Variants in ANHX observed in about 807,000 individuals in gnomAD.
The protein encoded by ANHX is anomalous homeobox.
In ANHX, 20 loss-of-function variants were observed where a neutral mutation model predicts 38.9. The observed-to-expected ratio is 0.51, with a 90% CI of 0.36 to 0.75. The LOEUF is 0.75. ANHX is among the 30% of genes least tolerant of loss of function. ANHX has a pLI of 0.00. For missense variants in ANHX, 475 were observed against 493.1 expected (o/e 0.96, Z 0.35); for synonymous variants, 185 against 203.1 (o/e 0.91, Z 0.76).
intron 9 of ANHX, 116 bp downstream of exon 9, chr12:133,219,163 CTTGT>C (rs1438645103): frequency 1.9e-6 from 2 of 1,078,370 alleles, no homozygotes; most frequent in African/African-American, 1.6e-5. Context: ...ATCTTTGCCC[CTTGT>C]TTATCTTTGC....
At chr12:133,227,704 T>C (rs1957208177) in intron 4 of ANHX, 120 bp downstream of exon 4, 4 of 1,220,768 alleles carry the variant, frequency 3.3e-6, no homozygotes, top group Non-Finnish European at 3.4e-6. Context: ...GAGGAGGGGC[T>C]GAAACCACCA....
intron 7 of ANHX, among the ~76,000 whole-genome samples, chr12:133,223,869 AAAG>A (rs1481636490): frequency 6.6e-6 from 1 of 152,134 alleles, no homozygotes; most frequent in Non-Finnish European, 1.5e-5. Context: ...AATAAGAAAA[AAAG>A]AATCTAAGAG....
In ANHX at chr12:133,224,283, A is replaced by G. The variant is rs1198915965; in HGVS notation, c.1132+1253T>C. ...AAATGTGATAAAAGCAGACAATGTAAAAAGAAAAAGGAAAGGCATGGAGAA... is the reference window on the plus strand; with the variant it reads ...AAATGTGATAAAAGCAGACAATGTAGAAAGAAAAAGGAAAGGCATGGAGAA... On this transcript the variant is annotated intron_variant, in intron 7 of 9. Transcript: ENST00000545940. Among the ~76,000 whole-genome samples, 3 of 152,082 alleles carry G rather than the reference A, an allele frequency of 2.0e-5. No homozygotes were observed. In the East Asian group the frequency reaches 5.8e-4, roughly 29 times the overall value.
intron 2 of ANHX, 54 bp from the exon 3 acceptor site, chr12:133,231,698 T>C (rs1957280917): frequency 6.5e-7 from 1 of 1,529,762 alleles, no homozygotes; most frequent in South Asian, 1.2e-5. Flanking sequence ...GGAGCACTGT[T>C]GGGACCTGCA....
chr12:133,218,595 C>G lies in ANHX; in HGVS notation c.*290G>C. 1 of 255,646 alleles carries G rather than the reference C, an allele frequency of 3.9e-6. No individual in the cohort carries two copies. The highest frequency in any genetic ancestry group is 7.4e-6 in the Non-Finnish European group (1 of 134,758). 15.8% of individuals were successfully genotyped at this position (255,646 alleles called of 1,614,324 possible). On this transcript the variant is annotated 3_prime_UTR_variant, in exon 10 of 10. Coordinates refer to ENST00000545940, the MANE Select transcript of ANHX (RefSeq NM_001372060.1). ...CCTCTCTAGAATGGCCTTCTCTGCACGAGTGCCCCGGAGCCCGACTGATCC... is the reference window on the plus strand; with the variant it reads ...CCTCTCTAGAATGGCCTTCTCTGCAGGAGTGCCCCGGAGCCCGACTGATCC...
intron 3 of ANHX, among the ~76,000 whole-genome samples, chr12:133,228,769 G>C (rs780866217): frequency 8.5e-5 from 13 of 152,178 alleles, no homozygotes; most frequent in Non-Finnish European, 1.6e-4. Context: ...GCCATCACCA[G>C]CATTTCTTCT....
intron 7 of ANHX, among the ~76,000 whole-genome samples, chr12:133,222,406 C>G (rs988025672): frequency 2.0e-5 from 3 of 152,040 alleles, no homozygotes; most frequent in African/African-American, 7.2e-5. Flanking sequence ...CATCCGGGTA[C>G]CCAGGCAGCA....
At position 133,221,075 on chromosome 12, in the gene ANHX, C is replaced by T. The variant is rs1001416861; in HGVS notation, c.1280+130G>A. ...AGGTGTAGGCTTGTGGGGACTGTTA[C>T]AGTTTTCAGCAATCCAAAGGAGAGG... On this transcript the variant is annotated intron_variant, in intron 8 of 9. Coordinates refer to ENST00000545940, the MANE Select transcript of ANHX (RefSeq NM_001372060.1). This position sits in a 1 kb window ranked among gnomAD's most constrained non-coding sequence, Gnocchi z 4.1. 4 of 1,224,928 alleles carry T rather than the reference C, an allele frequency of 3.3e-6. No homozygotes were observed. The Admixed American group carries it at 8.9e-5, about 27-fold the overall frequency. The allele number at this position is 1,224,928 out of a possible 1,614,324, so 75.9% of individuals were successfully genotyped here.
rs1172210123 is a variant in ANHX, at chr12:133,218,848, G to T, written c.*37C>A. The stretch of plus-strand genomic sequence containing the variant: ...TTGACCAGGCAGACCATCCACACCC[G>T]CTCCTCCTGGGGTGCTGTCTGGCTC... On this transcript the variant is annotated 3_prime_UTR_variant, in exon 10 of 10. Transcript: ENST00000545940. The T allele has an allele frequency of 1.4e-6, 2 of 1,437,056 alleles. No individual in the cohort carries two copies. The highest frequency in any genetic ancestry group is 2.8e-5 in the African/African-American group (2 of 70,196). 89.0% of individuals were successfully genotyped at this position (1,437,056 alleles called of 1,614,324 possible). A position where few individuals can be genotyped will look rare whatever the true frequency, so the allele number is the denominator to read the frequency against.
intron 1 of ANHX, 26 bp from the exon 2 acceptor site, chr12:133,234,404 T>C: frequency 7.3e-6 from 11 of 1,508,690 alleles, no homozygotes; most frequent in Non-Finnish European, 8.0e-6. Flanking sequence ...GTCACAAGAA[T>C]GGCCACCACT....
At chr12:133,226,480 G>C in intron 5 of ANHX, 42 bp from the exon 6 acceptor site, 1 of 1,507,386 alleles carries the variant, frequency 6.6e-7, no homozygotes, top group Non-Finnish European at 8.8e-7. Flanking sequence ...GTGAGGCTCT[G>C]GTTCCCAACC....
At chr12:133,228,362 C>CA in intron 3 of ANHX, among the ~76,000 whole-genome samples, 1 of 152,298 alleles carries the variant, frequency 6.6e-6, no homozygotes, top group East Asian at 1.9e-4. Flanking sequence ...CACACACACA[C>CA]ACTGTTGTCC....
chr12:133,220,861 T>C (rs1233241373), intron 8 of ANHX, among the ~76,000 whole-genome samples: 2 of 152,118 alleles, frequency 1.3e-5, no homozygotes, highest in East Asian at 3.9e-4. Flanking sequence ...AAACTACAAT[T>C]CAGAATATAA....
chr12:133,221,130 T>C lies in ANHX; in HGVS notation c.1280+75A>G. 2.0e-6 allele frequency: 3 copies of C among 1,498,780 alleles called. No homozygotes were observed. Among genetic ancestry groups the C allele is most frequent in the Non-Finnish European group, 2.7e-6 (3 of 1,123,422 alleles). 92.8% of individuals were successfully genotyped at this position (1,498,780 alleles called of 1,614,324 possible). A position where few individuals can be genotyped will look rare whatever the true frequency, so the allele number is the denominator to read the frequency against. ...TATCTGCACAGTCCGGGACGGTGAG[T>C]CTATAAACTGGGCATTACCCTATCT... On this transcript the variant is annotated intron_variant, in intron 8 of 9. Transcript: ENST00000545940. The surrounding 1 kb of genome is among the most constrained non-coding windows in gnomAD (Gnocchi z 4.1).
intron 7 of ANHX, among the ~76,000 whole-genome samples, chr12:133,224,915 C>G (rs150673536): frequency 1.4e-5 from 2 of 146,280 alleles, no homozygotes; most frequent in African/African-American, 2.6e-5. Flanking sequence ...TGCAGTGAGC[C>G]GAGATCACGC....
chr12:133,224,992 A>T (rs1957170850), intron 7 of ANHX, among the ~76,000 whole-genome samples: 3 of 151,880 alleles, frequency 2.0e-5, no homozygotes, highest in Admixed American at 2.0e-4. Context: ...AACAAAAAAG[A>T]AAGAAAGAAA....
At chr12:133,234,461 C>A in intron 1 of ANHX, 83 bp from the exon 2 acceptor site, 1 of 1,440,796 alleles carries the variant, frequency 6.9e-7, no homozygotes. Flanking sequence ...CTCTGCAAAG[C>A]AGGTGATGCA....
At chr12:133,228,704 C>A (rs1957227564) in intron 3 of ANHX, among the ~76,000 whole-genome samples, 1 of 152,216 alleles carries the variant, frequency 6.6e-6, no homozygotes, top group African/African-American at 2.4e-5. Flanking sequence ...CCAGCCGTGG[C>A]ACCTGCTCAT....
At position 133,218,589 on chromosome 12, in the gene ANHX, T is replaced by C. The variant is rs148080452; in HGVS notation, c.*296A>G. 0.027 allele frequency: 6,534 copies of C among 245,478 alleles called. 131 individuals carry two copies. The highest frequency in any genetic ancestry group is 0.038 in the Non-Finnish European group (4,887 of 128,308). 15.2% of individuals were successfully genotyped at this position (245,478 alleles called of 1,614,324 possible). A position where few individuals can be genotyped will look rare whatever the true frequency, so the allele number is the denominator to read the frequency against. The stretch of plus-strand genomic sequence containing the variant: ...CACTCCCCTCTCTAGAATGGCCTTC[T>C]CTGCACGAGTGCCCCGGAGCCCGAC... On this transcript the variant is annotated 3_prime_UTR_variant, in exon 10 of 10. Transcript: ENST00000545940.
Sources: allele counts gnomAD v4.1 joint callset (sites outside exome capture counted in the v4.1 genomes callset), GRCh38; gene constraint gnomAD v4.1.1; non-coding constraint Gnocchi (gnomAD v3.1); transcripts MANE v1.5; gene names NCBI Gene and HGNC (gene_info 2026-07-23, HGNC 2026-07-21).